Variants in INSL6 observed in about 807,000 individuals in gnomAD.
The protein encoded by INSL6 is insulin like 6, also known as insulin-like peptide INSL6.
Under a neutral mutation model 9.4 loss-of-function variants are expected in INSL6, and 16 were observed. That is an observed-to-expected ratio of 1.70 (90% CI 1.15 to 2.59). The LOEUF (loss-of-function observed/expected upper bound fraction) is 2.59. Among genes scored for constraint, INSL6 ranks in the 30% most tolerant of loss-of-function variants. The probability of loss-of-function intolerance (pLI) is 0.00; values close to 1 mark genes in which losing one functional copy is unlikely to be tolerated. For missense variants in INSL6, 391 were observed against 257.3 expected, an observed-to-expected ratio of 1.52 and a Z score of -3.56; for synonymous variants, 154 against 96.9, an observed-to-expected ratio of 1.59 and a Z score of -3.46.
intron 1 of INSL6, among the ~76,000 whole-genome samples, chr9:5,183,126 T>C (rs1586882897): frequency 6.6e-6 from 1 of 152,334 alleles, no homozygotes; most frequent in African/African-American, 2.4e-5. Flanking sequence ...CATAATTATG[T>C]ATTCTATATT....
At chr9:5,184,870 AT>A (rs533952112) in intron 1 of INSL6, among the ~76,000 whole-genome samples, 49 of 152,234 alleles carry the variant, frequency 3.2e-4, no homozygotes, top group African/African-American at 1.1e-3. Flanking sequence ...GGTACTCTGC[AT>A]TTTTATCTTC....
In INSL6 at chr9:5,138,808, T is replaced by TTTAAAGA. The variant is rs1316512071; in HGVS notation, c.377-5223_377-5217dup. ...AGTTACCTAATTACAATCTCTAGAA[T>TTTAAAGA]TTAAAGATCTCCTTCCTAGATGCAA... On this transcript the variant is annotated intron_variant, in intron 2 of 3. Coordinates refer to the INSL6 transcript ENST00000649639. 5.3e-5 allele frequency among the ~76,000 whole-genome samples: 8 copies of TTTAAAGA among 152,104 alleles called. No homozygotes were observed. The East Asian group carries it at 1.5e-3, about 29-fold the overall frequency.
the INSL6 span, among the ~76,000 whole-genome samples, chr9:5,089,334 C>A: frequency 6.6e-6 from 1 of 151,906 alleles, no homozygotes; most frequent in Non-Finnish European, 1.5e-5. Flanking sequence ...GTCAGGAGAT[C>A]AAGACAATCC....
the INSL6 span, among the ~76,000 whole-genome samples, chr9:5,118,012 G>A: frequency 1.3e-5 from 2 of 152,124 alleles, no homozygotes; most frequent in Non-Finnish European, 2.9e-5. Flanking sequence ...TAGTTATAAT[G>A]TATTTTCTAA....
chr9:5,049,248 G>GAC, the INSL6 span, among the ~76,000 whole-genome samples: 779 of 152,258 alleles, frequency 5.1e-3, 6 homozygotes, highest in African/African-American at 0.018. Flanking sequence ...CAATGGAAGA[G>GAC]ACATGATGAA....
the INSL6 span, chr9:5,100,891 C>T: frequency 6.6e-6 from 1 of 152,228 alleles, no homozygotes; most frequent in South Asian, 2.1e-4. Flanking sequence ...TATCTGCTTC[C>T]TCCGCCAATT....
At chr9:5,113,958 C>T in the INSL6 span, 1 of 263,652 alleles carries the variant, frequency 3.8e-6, no homozygotes, top group South Asian at 4.3e-5. Flanking sequence ...TCTCTGGGTA[C>T]ACCCAGGTGC....
the INSL6 span, among the ~76,000 whole-genome samples, chr9:5,095,398 A>G: frequency 2.0e-5 from 3 of 152,296 alleles, no homozygotes; most frequent in Admixed American, 2.0e-4. Context: ...AGCAGCCACC[A>G]AATATTTTCT....
downstream of INSL6, among the ~76,000 whole-genome samples, chr9:5,120,263 T>C (rs917040512): frequency 2.0e-5 from 3 of 152,230 alleles, no homozygotes; most frequent in Non-Finnish European, 4.4e-5. Flanking sequence ...ATCCTATTCA[T>C]GAGGGAGAAG....
chr9:5,184,049 G>T (rs953637815), intron 1 of INSL6, among the ~76,000 whole-genome samples: 1 of 152,186 alleles, frequency 6.6e-6, no homozygotes, highest in Non-Finnish European at 1.5e-5. Context: ...ATGTGGGTTA[G>T]TTTGATGGGT....
the INSL6 span, among the ~76,000 whole-genome samples, chr9:5,004,171 C>T: frequency 2.8e-4 from 43 of 152,078 alleles, no homozygotes; most frequent in African/African-American, 9.9e-4. Flanking sequence ...TAGCAATTTT[C>T]AAGTATACGA....
chr9:5,083,691 G>C, the INSL6 span, among the ~76,000 whole-genome samples: 1 of 151,978 alleles, frequency 6.6e-6, no homozygotes, highest in African/African-American at 2.4e-5. Context: ...TGGTATTTAA[G>C]AAGTAGACAT....
At chr9:5,047,466 C>T in the INSL6 span, among the ~76,000 whole-genome samples, 108 of 152,298 alleles carry the variant, frequency 7.1e-4, no homozygotes, top group Non-Finnish European at 1.3e-3. Context: ...AAATAAACTG[C>T]TGACATGTGA....
chr9:5,015,003 T>C, the INSL6 span, among the ~76,000 whole-genome samples: 1 of 152,184 alleles, frequency 6.6e-6, no homozygotes, highest in African/African-American at 2.4e-5. Flanking sequence ...GTTTTGCTTG[T>C]TTTTGAAATT....
chr9:4,997,532 C>A, the INSL6 span, among the ~76,000 whole-genome samples: 70 of 152,256 alleles, frequency 4.6e-4, 1 homozygote, highest in African/African-American at 1.6e-3. Flanking sequence ...TGTTGCTAAA[C>A]CATTCATGAG....
chr9:4,996,532 A>AT, the INSL6 span, among the ~76,000 whole-genome samples: 1 of 151,882 alleles, frequency 6.6e-6, no homozygotes, highest in Admixed American at 6.6e-5. Context: ...TGTATAATTT[A>AT]TTTTTTTAAA....
At chr9:5,124,367 G>A (rs890962055) in exon 4 of INSL6, among the ~76,000 whole-genome samples, 6 of 151,092 alleles carry the variant, frequency 4.0e-5, no homozygotes, top group Admixed American at 6.6e-5. Context: ...GTCTGTAATC[G>A]ATCGAGTTAA....
At chr9:5,028,445 G>A in the INSL6 span, among the ~76,000 whole-genome samples, 1 of 152,178 alleles carries the variant, frequency 6.6e-6, no homozygotes, top group Admixed American at 6.5e-5. Flanking sequence ...AATGGCCATA[G>A]ATTTTCAGAA....
chr9:5,104,721 G>A, the INSL6 span, among the ~76,000 whole-genome samples: 45 of 152,248 alleles, frequency 3.0e-4, no homozygotes, highest in African/African-American at 9.6e-4. Flanking sequence ...CGATCAAGTC[G>A]GCTTCATCCC....
Sources: gnomAD v4.1 joint callset for allele counts (sites outside exome capture counted in the v4.1 genomes callset) on GRCh38, gnomAD v4.1.1 for gene constraint, MANE v1.5 for transcripts, NCBI Gene and HGNC (gene_info 2026-07-23, HGNC 2026-07-21) for gene names.